Variants in LSAMP observed in about 807,000 individuals in gnomAD.
The protein encoded by LSAMP is limbic system associated membrane protein, also known as limbic system-associated membrane protein.
A neutral mutation model predicts 38.6 loss-of-function variants in LSAMP; 7 were observed. The observed-to-expected ratio is 0.18, with a 90% CI of 0.10 to 0.34. LSAMP has a LOEUF of 0.34. Among genes scored for constraint, LSAMP ranks in the 10% least tolerant of loss-of-function variants. LSAMP has a pLI of 1.00. For synonymous variants in LSAMP, 154 were observed against 166.8 expected, an observed-to-expected ratio of 0.92 and a Z score of 0.59; for missense variants, 313 against 420.0, an observed-to-expected ratio of 0.75 and a Z score of 2.23.
chr3:116,227,324 A>C (rs2046353246), intron 1 of LSAMP, among the ~76,000 whole-genome samples: 1 of 152,144 alleles, frequency 6.6e-6, no homozygotes, highest in African/African-American at 2.4e-5. Flanking sequence ...CTCCCAGCTA[A>C]AGTCCCATCA....
intron 3 of LSAMP, among the ~76,000 whole-genome samples, chr3:115,988,129 A>G (rs1175172502): frequency 6.6e-6 from 1 of 152,174 alleles, no homozygotes; most frequent in African/African-American, 2.4e-5. Flanking sequence ...AGTAAACCAG[A>G]CAAAGGTAAA....
chr3:116,201,398 G>GTGTCTTTT (rs1328365783), intron 1 of LSAMP, among the ~76,000 whole-genome samples: 4 of 152,132 alleles, frequency 2.6e-5, no homozygotes, highest in Non-Finnish European at 5.9e-5. Flanking sequence ...TGTACCTTTA[G>GTGTCTTTT]TGTCTTTTTA....
intron 3 of LSAMP, among the ~76,000 whole-genome samples, chr3:116,008,336 T>C (rs987394841): frequency 3.9e-5 from 6 of 152,212 alleles, no homozygotes; most frequent in Non-Finnish European, 7.3e-5. Context: ...CCAAAGTCTG[T>C]ATTCTTTCTA....
intron 3 of LSAMP, among the ~76,000 whole-genome samples, chr3:115,969,317 A>T (rs902589207): frequency 5.3e-5 from 8 of 152,180 alleles, no homozygotes; most frequent in Non-Finnish European, 1.0e-4. Flanking sequence ...GAATAATTTT[A>T]CAATAATAGT....
At chr3:116,060,838 C>T (rs1186286822) in intron 2 of LSAMP, among the ~76,000 whole-genome samples, 2 of 151,590 alleles carry the variant, frequency 1.3e-5, no homozygotes, top group Non-Finnish European at 2.9e-5. Context: ...CAAAATTTTG[C>T]ACCTACAATA....
intron 2 of LSAMP, among the ~76,000 whole-genome samples, chr3:116,061,643 G>C (rs1234567508): frequency 6.6e-6 from 1 of 152,058 alleles, no homozygotes; most frequent in Non-Finnish European, 1.5e-5. Context: ...TTTCTCCATA[G>C]CACTATCACC....
At chr3:116,411,133 C>G (rs909812450) in intron 1 of LSAMP, among the ~76,000 whole-genome samples, 1 of 152,062 alleles carries the variant, frequency 6.6e-6, no homozygotes, top group Non-Finnish European at 1.5e-5. Context: ...ACAACAGGTG[C>G]TGGAGAGGAT....
chr3:116,145,593 TC>T (rs979781821), intron 1 of LSAMP, among the ~76,000 whole-genome samples: 1 of 151,594 alleles, frequency 6.6e-6, no homozygotes, highest in African/African-American at 2.4e-5. Flanking sequence ...GTTAATCAGA[TC>T]CCCCCCAAAA....
chr3:115,925,126 G>A (rs558288030), intron 3 of LSAMP, among the ~76,000 whole-genome samples: 7 of 152,288 alleles, frequency 4.6e-5, no homozygotes, highest in African/African-American at 1.7e-4. Flanking sequence ...TCCCAGGTAT[G>A]TGTGTGTTCC....
At chr3:115,845,031 GAT>G (rs1167844472) in intron 4 of LSAMP, among the ~76,000 whole-genome samples, 1 of 152,176 alleles carries the variant, frequency 6.6e-6, no homozygotes, top group Admixed American at 6.5e-5. Flanking sequence ...AAGGCTGAGA[GAT>G]ATTAGGCTTC....
At chr3:116,095,895 T>G (rs1282451285) in intron 1 of LSAMP, among the ~76,000 whole-genome samples, 1 of 152,170 alleles carries the variant, frequency 6.6e-6, no homozygotes, top group Non-Finnish European at 1.5e-5. Flanking sequence ...TTTAGGCAAG[T>G]TACTTAGCAG....
chr3:116,285,687 A>T (rs771939391), intron 1 of LSAMP, among the ~76,000 whole-genome samples: 11 of 152,216 alleles, frequency 7.2e-5, no homozygotes, highest in Non-Finnish European at 1.5e-4. Context: ...CTTTGCTTCC[A>T]AACTGTGGCA....
chr3:115,871,582 AGTGTGTGTGT>A (rs59830926), intron 3 of LSAMP, among the ~76,000 whole-genome samples: 406 of 145,016 alleles, frequency 2.8e-3, no homozygotes, highest in Middle Eastern at 0.017. Context: ...ACCAACGTGT[AGTGTGTGTGT>A]GTGTGTGTGT....
At chr3:115,902,473 G>A (rs1249685425) in intron 3 of LSAMP, among the ~76,000 whole-genome samples, 1 of 150,554 alleles carries the variant, frequency 6.6e-6, no homozygotes, top group Non-Finnish European at 1.5e-5. Context: ...AAAAGCAATT[G>A]CAGCAAAAGC....
intron 1 of LSAMP, among the ~76,000 whole-genome samples, chr3:116,182,500 T>C (rs7651707): frequency 0.094 from 14,247 of 151,564 alleles, 952 homozygotes; most frequent in African/African-American, 0.2. Context: ...GCATCATGAG[T>C]GCTATGACAA....
At chr3:116,251,289 A>G (rs1242921493) in intron 1 of LSAMP, among the ~76,000 whole-genome samples, 1 of 152,232 alleles carries the variant, frequency 6.6e-6, no homozygotes, top group Non-Finnish European at 1.5e-5. Flanking sequence ...GTAATCTGAA[A>G]TCTGGAATTC....
intron 1 of LSAMP, among the ~76,000 whole-genome samples, chr3:116,121,467 C>T (rs1206861462): frequency 6.6e-6 from 1 of 152,188 alleles, no homozygotes; most frequent in Non-Finnish European, 1.5e-5. Flanking sequence ...TAAGCTTCTT[C>T]TGTAATTAAG....
chr3:116,194,831 G>A (rs190992454), intron 1 of LSAMP, among the ~76,000 whole-genome samples: 2 of 152,332 alleles, frequency 1.3e-5, no homozygotes, highest in East Asian at 3.9e-4. Context: ...GACAATCATA[G>A]GTCTTGACAT....
chr3:116,323,879 A>G (rs1284765712), intron 1 of LSAMP, among the ~76,000 whole-genome samples: 1 of 152,166 alleles, frequency 6.6e-6, no homozygotes, highest in Non-Finnish European at 1.5e-5. Context: ...AGATGTAAGA[A>G]CTGAAGATCC....
Sources: allele counts gnomAD v4.1 joint callset (sites outside exome capture counted in the v4.1 genomes callset), GRCh38; gene constraint gnomAD v4.1.1; transcripts MANE v1.5; gene names NCBI Gene and HGNC (gene_info 2026-07-23, HGNC 2026-07-21).